ZNF804B: variants seen among roughly 807,000 people sequenced by gnomAD.
ZNF804B encodes the protein zinc finger 804B.
In ZNF804B, 80 loss-of-function variants were observed where a neutral mutation model predicts 101.4. That is an observed-to-expected ratio of 0.79 (90% CI 0.66 to 0.95). The LOEUF (loss-of-function observed/expected upper bound fraction) is 0.95, where lower values mean the gene tolerates loss of function less well. Among genes scored for constraint, ZNF804B ranks in the 40% least tolerant of loss-of-function variants. The pLI is 0.00. For missense variants in ZNF804B, 1,673 were observed against 1,561.9 expected, an observed-to-expected ratio of 1.07 and a Z score of -1.20; for synonymous variants, 622 against 558.8, an observed-to-expected ratio of 1.11 and a Z score of -1.59.
rs556589203 is a variant in ZNF804B at position 88,833,278 on chromosome 7, T to C, written c.108+73194T>C. On this transcript the variant is annotated intron_variant, in intron 1 of 3. Transcript: ENST00000333190. ...ATCTCCCCTTTCTAACTTCAGAATATTTGAGGATGCAATCTCACCTCTGTT... is the reference window on the plus strand; with the variant it reads ...ATCTCCCCTTTCTAACTTCAGAATACTTGAGGATGCAATCTCACCTCTGTT... Among the ~76,000 whole-genome samples, 60 of 152,064 alleles carry C rather than the reference T, an allele frequency of 3.9e-4. No homozygotes were observed. The Middle Eastern group carries it at 0.014, about 34-fold the overall frequency.
At chr7:88,889,464 A>G (rs1338446952) in intron 1 of ZNF804B, among the ~76,000 whole-genome samples, 1 of 152,178 alleles carries the variant, frequency 6.6e-6, no homozygotes, top group East Asian at 1.9e-4. Context: ...TGACTTTTTA[A>G]TAATTGCCAT....
At chr7:89,077,529 A>T (rs1419987738) in intron 1 of ZNF804B, among the ~76,000 whole-genome samples, 2 of 152,176 alleles carry the variant, frequency 1.3e-5, no homozygotes, top group African/African-American at 4.8e-5. Context: ...AAGATTTCTG[A>T]AATAATTGAA....
At chr7:88,991,232 T>C (rs1793840621) in intron 1 of ZNF804B, among the ~76,000 whole-genome samples, 1 of 152,202 alleles carries the variant, frequency 6.6e-6, no homozygotes, top group Non-Finnish European at 1.5e-5. Context: ...GTCCTCATGA[T>C]GCTTTTATGT....
chr7:89,116,315 G>T (rs1234439931), intron 1 of ZNF804B, among the ~76,000 whole-genome samples: 1 of 152,086 alleles, frequency 6.6e-6, no homozygotes, highest in African/African-American at 2.4e-5. Flanking sequence ...TTTAAGACAG[G>T]TATGGCTATT....
Position 89,335,819 on chromosome 7 carries a change from T to A in ZNF804B, c.2837T>A (p.Ile946Asn). The A allele has an allele frequency of 6.2e-7, 1 of 1,614,050 alleles. No individual in the cohort carries two copies. Among genetic ancestry groups the A allele is most frequent in the South Asian group, 1.1e-5 (1 of 91,084 alleles). Residue 946 changes from isoleucine to asparagine, a missense_variant, in exon 4 of 4, where the codon ATC becomes AAC. Physicochemically the swap from Ile to Asn is moderately radical, Grantham distance 149 (BLOSUM62 -3). Transcript: ENST00000333190. ...CAAGAACAATCAAGTAATGTTGAGA[T>A]CTCTTCAAACAGTTGTAAAAGTGAA... ...KCQEQSSNVE[I>N]SSNSCKSELE...
intron 2 of ZNF804B, among the ~76,000 whole-genome samples, chr7:89,292,123 C>A (rs932758587): frequency 6.6e-6 from 1 of 151,714 alleles, no homozygotes; most frequent in Non-Finnish European, 1.5e-5. Context: ...CAACACCATA[C>A]CTGTCTGTCC....
intron 1 of ZNF804B, among the ~76,000 whole-genome samples, chr7:88,803,669 G>C (rs1278058428): frequency 6.6e-6 from 1 of 152,144 alleles, no homozygotes; most frequent in African/African-American, 2.4e-5. Flanking sequence ...ACAGGAGGAT[G>C]CCCAGATTTG....
At chr7:89,146,224 G>GA (rs1349057290) in intron 1 of ZNF804B, among the ~76,000 whole-genome samples, 1 of 151,964 alleles carries the variant, frequency 6.6e-6, no homozygotes, top group Admixed American at 6.6e-5. Context: ...AGTAATGAGA[G>GA]AAAAAAGATC....
intron 1 of ZNF804B, among the ~76,000 whole-genome samples, chr7:89,008,646 C>G (rs1011180742): frequency 6.6e-6 from 1 of 152,114 alleles, no homozygotes; most frequent in Non-Finnish European, 1.5e-5. Context: ...CTCCCACTCT[C>G]CACATTCTCA....
At chr7:88,799,111 A>C (rs1402024343) in intron 1 of ZNF804B, among the ~76,000 whole-genome samples, 1 of 152,108 alleles carries the variant, frequency 6.6e-6, no homozygotes, top group Non-Finnish European at 1.5e-5. Context: ...CGTGTCAAAG[A>C]GTACACCTTA....
chr7:89,119,316 T>A (rs879285636), intron 1 of ZNF804B, among the ~76,000 whole-genome samples: 4 of 152,206 alleles, frequency 2.6e-5, no homozygotes, highest in Non-Finnish European at 5.9e-5. Context: ...CAGTATTTTT[T>A]AAAAATTAAA....
intron 1 of ZNF804B, among the ~76,000 whole-genome samples, chr7:88,977,955 T>G (rs1048227941): frequency 6.6e-6 from 1 of 151,794 alleles, no homozygotes. Context: ...TTCAAGACAT[T>G]TTAAAACTTT....
intron 1 of ZNF804B, among the ~76,000 whole-genome samples, chr7:88,960,652 T>G (rs911394425): frequency 3.3e-5 from 5 of 151,434 alleles, no homozygotes; most frequent in African/African-American, 1.2e-4. Flanking sequence ...TCTTTGTGAT[T>G]TTTTTAAGTT....
At position 88,929,723 on chromosome 7, in the gene ZNF804B, G is replaced by A. The variant is rs142369797; in HGVS notation, c.108+169639G>A. Among the ~76,000 whole-genome samples the A allele has an allele frequency of 1.3e-4, 20 of 151,032 alleles. No individual in the cohort carries two copies. The East Asian group carries it at 3.7e-3, about 28-fold the overall frequency. Reference sequence around the variant, plus strand: ...TTGAACAACAACAACAAAAATCTCTGAAAAATAATCTGAGAAATCCTATTG... The same window carrying A: ...TTGAACAACAACAACAAAAATCTCTAAAAAATAATCTGAGAAATCCTATTG... On this transcript the variant is annotated intron_variant, in intron 1 of 3. Transcript: ENST00000333190.
intron 1 of ZNF804B, among the ~76,000 whole-genome samples, chr7:89,035,075 AT>A: frequency 6.6e-6 from 1 of 152,316 alleles, no homozygotes; most frequent in South Asian, 2.1e-4. Context: ...GTGAATGAGC[AT>A]TTTGGAGAAA....
At chr7:89,049,587 C>T (rs768564964) in intron 1 of ZNF804B, among the ~76,000 whole-genome samples, 1 of 151,964 alleles carries the variant, frequency 6.6e-6, no homozygotes, top group Non-Finnish European at 1.5e-5. Flanking sequence ...TAGTACTCAG[C>T]TATTACCGGA....
chr7:88,873,409 T>C (rs899258908), intron 1 of ZNF804B, among the ~76,000 whole-genome samples: 2 of 152,182 alleles, frequency 1.3e-5, no homozygotes, highest in African/African-American at 4.8e-5. Flanking sequence ...TGTTCTCCCA[T>C]TCTGTAGGTT....
intron 2 of ZNF804B, among the ~76,000 whole-genome samples, chr7:89,256,536 C>CTT (rs71102028): frequency 0.75 from 112,655 of 149,256 alleles, 43,689 homozygotes; most frequent in African/African-American, 0.9. Context: ...CAGAGCAAGA[C>CTT]TGTCAAAAAA....
At chr7:89,195,625 C>G (rs943872955) in intron 1 of ZNF804B, among the ~76,000 whole-genome samples, 17 of 151,172 alleles carry the variant, frequency 1.1e-4, no homozygotes, top group Admixed American at 1.1e-3. Flanking sequence ...AGGAATCCAA[C>G]TTACAGGGGA....
Sources: allele counts gnomAD v4.1 joint callset (sites outside exome capture counted in the v4.1 genomes callset), GRCh38; gene constraint gnomAD v4.1.1; transcripts MANE v1.5; gene names NCBI Gene and HGNC (gene_info 2026-07-23, HGNC 2026-07-21).